The following ABTB2 variants were observed in gnomAD, a reference collection of about 807,000 sequenced individuals.
The protein encoded by ABTB2 is ankyrin repeat and BTB/POZ domain-containing protein 2.
In ABTB2, 56 loss-of-function variants were observed where a neutral mutation model predicts 104.1. That is an observed-to-expected ratio of 0.54 (90% CI 0.43 to 0.67). ABTB2 has a LOEUF of 0.67. Among genes scored for constraint, ABTB2 ranks in the 30% least tolerant of loss-of-function variants. The pLI, the probability that ABTB2 is intolerant of heterozygous loss-of-function variation, is 0.00. For synonymous variants in ABTB2, 606 were observed against 608.2 expected (o/e 1.00, Z 0.05); for missense variants, 1,279 against 1,407.7 (o/e 0.91, Z 1.46).
intron 1 of ABTB2, among the ~76,000 whole-genome samples, chr11:34,340,884 T>C (rs1478646563): frequency 1.3e-5 from 2 of 152,146 alleles, no homozygotes; most frequent in Non-Finnish European, 2.9e-5. Context: ...CATCCTCTGA[T>C]TTATGACAAG....
intron 1 of ABTB2, among the ~76,000 whole-genome samples, chr11:34,255,173 G>C (rs1490178026): frequency 6.6e-6 from 1 of 152,158 alleles, no homozygotes; most frequent in African/African-American, 2.4e-5. Context: ...AGCTGAATCG[G>C]ATTAAGCACT....
At chr11:34,335,854 A>G (rs146631027) in intron 1 of ABTB2, 2 of 1,181,984 alleles carry the variant, frequency 1.7e-6, no homozygotes, top group Non-Finnish European at 2.5e-6. Context: ...TTGAGAGCAT[A>G]TATCTGGAGG....
chr11:34,233,424 C>G (rs1043978690), intron 1 of ABTB2, among the ~76,000 whole-genome samples: 4 of 151,222 alleles, frequency 2.6e-5, no homozygotes, highest in African/African-American at 9.7e-5. Flanking sequence ...CCTCCCAGGT[C>G]ACTGCAGCGT....
intron 1 of ABTB2, among the ~76,000 whole-genome samples, chr11:34,341,790 A>C (rs1293237221): frequency 6.6e-6 from 1 of 152,112 alleles, no homozygotes; most frequent in Non-Finnish European, 1.5e-5. Context: ...TGAACGGAAA[A>C]ATAAAACAAA....
intron 3 of ABTB2, among the ~76,000 whole-genome samples, chr11:34,185,794 A>C (rs527467429): frequency 6.6e-6 from 1 of 152,300 alleles, no homozygotes; most frequent in South Asian, 2.1e-4. Flanking sequence ...AATGTATTAT[A>C]TGTTTCAAGA....
At chr11:34,211,932 CA>C (rs1853486073) in intron 1 of ABTB2, among the ~76,000 whole-genome samples, 2 of 143,810 alleles carry the variant, frequency 1.4e-5, no homozygotes, top group African/African-American at 5.1e-5. Context: ...AAAGGATAAT[CA>C]AAAAGTCATC....
chr11:34,277,627 A>C lies in ABTB2; in HGVS notation c.884-72937T>G, dbSNP rs1321662241. Among the ~76,000 whole-genome samples, 437 of 70,400 alleles carry C rather than the reference A, an allele frequency of 6.2e-3. 2 individuals carry two copies. Among genetic ancestry groups the C allele is most frequent in the Non-Finnish European group, 9.1e-3 (332 of 36,354 alleles). The allele number at this position is 70,400 out of a possible 152,430, so 46.2% of individuals were successfully genotyped here. A position where few individuals can be genotyped will look rare whatever the true frequency, so the allele number is the denominator to read the frequency against. ...GGTGAACCCCATCTCTACAAAAATC[A>C]AAAATTAGCCAGGTGTGGTGGTCAC... On this transcript the variant is annotated intron_variant, in intron 1 of 16. Transcript: ENST00000435224.
At chr11:34,164,947 A>G (rs2133009864) in intron 8 of ABTB2, 126 bp from the exon 9 acceptor site, 1 of 1,180,806 alleles carries the variant, frequency 8.5e-7, no homozygotes, top group Non-Finnish European at 1.2e-6. Flanking sequence ...TAAACCCCAC[A>G]CTCATCTGCA....
In ABTB2 at chr11:34,173,179, A is replaced by G; in HGVS notation, c.1373T>C (p.Leu458Pro). 1 of 1,613,820 alleles carries G rather than the reference A, an allele frequency of 6.2e-7. No individual in the cohort carries two copies. Among genetic ancestry groups the G allele is most frequent in the Non-Finnish European group, 8.5e-7 (1 of 1,179,920 alleles). The change falls in exon 4 of 17, where the codon CTG (leucine) becomes CCG (proline). Residue 458 changes from leucine (L) to proline (P), a missense_variant. Physicochemically the swap from Leu to Pro is moderately conservative, Grantham distance 98. Transcript: ENST00000435224. ...CTTGAGCTGCCGAGGTTCACAGTCC[A>G]GACCAGGCAGCAGCAGCCGGGCTGC... is the stretch of plus-strand genomic sequence containing the variant. ...RQAARLLLPGLDCEPRQLKPE... is the reference protein window; with the variant it reads ...RQAARLLLPGPDCEPRQLKPE...
chr11:34,173,810 G>T (rs1404730942), intron 3 of ABTB2, among the ~76,000 whole-genome samples: 1 of 152,204 alleles, frequency 6.6e-6, no homozygotes, highest in Non-Finnish European at 1.5e-5. Flanking sequence ...GCCACCAGCA[G>T]GGTCAGGTCA....
intron 1 of ABTB2, among the ~76,000 whole-genome samples, chr11:34,302,125 A>T (rs1018529693): frequency 2.0e-5 from 3 of 152,228 alleles, no homozygotes; most frequent in East Asian, 3.8e-4. Context: ...GTATTTCTAC[A>T]CCTCACGTAT....
At chr11:34,250,323 C>A (rs1854039913) in intron 1 of ABTB2, among the ~76,000 whole-genome samples, 1 of 152,194 alleles carries the variant, frequency 6.6e-6, no homozygotes, top group South Asian at 2.1e-4. Context: ...CTAGTACAAC[C>A]AGACTGCAAT....
intron 1 of ABTB2, among the ~76,000 whole-genome samples, chr11:34,348,824 G>A (rs1022995615): frequency 1.3e-5 from 2 of 152,130 alleles, no homozygotes; most frequent in Non-Finnish European, 2.9e-5. Flanking sequence ...TCCCCTCTTT[G>A]TTTGAAGGTG....
rs959772924 is a variant in ABTB2, at chr11:34,167,841, G to C, written c.1653+62C>G. ...AACATCACGCCCAGCGTGTTTGTTG[G>C]AGCCCTCGGAGTGATCCCTGCTGGC... On this transcript the variant is annotated intron_variant, in intron 6 of 16. Coordinates refer to ENST00000435224, the MANE Select transcript of ABTB2 (RefSeq NM_145804.3). 7.8e-6 allele frequency: 12 copies of C among 1,542,964 alleles called. No homozygotes were observed. The African/African-American group carries it at 1.5e-4, about 19-fold the overall frequency.
intron 1 of ABTB2, among the ~76,000 whole-genome samples, chr11:34,297,770 A>C (rs1854639469): frequency 1.5e-5 from 1 of 66,748 alleles, no homozygotes; most frequent in Non-Finnish European, 2.4e-5. Context: ...CCATCTCAAA[A>C]AAAAAAAAAA....
At chr11:34,278,518 A>T (rs142074384) in intron 1 of ABTB2, among the ~76,000 whole-genome samples, 20 of 152,324 alleles carry the variant, frequency 1.3e-4, no homozygotes, top group Non-Finnish European at 2.5e-4. Flanking sequence ...GTTGACCCTA[A>T]GTCCTCTGGT....
At chr11:34,226,706 T>G (rs1265691135) in intron 1 of ABTB2, among the ~76,000 whole-genome samples, 1 of 152,216 alleles carries the variant, frequency 6.6e-6, no homozygotes, top group Non-Finnish European at 1.5e-5. Flanking sequence ...CTGTTTTTAG[T>G]ATATCAGAGT....
chr11:34,166,002 G>A (rs916304880), intron 7 of ABTB2, among the ~76,000 whole-genome samples: 1 of 152,232 alleles, frequency 6.6e-6, no homozygotes, highest in Non-Finnish European at 1.5e-5. Flanking sequence ...GACGGGGCAG[G>A]GTTAACAGAT....
Position 34,166,514 on chromosome 11 carries a change from T to TCG in ABTB2, c.1755+744_1755+745insCG, listed in dbSNP as rs556176979. 4.2e-3 allele frequency among the ~76,000 whole-genome samples: 636 copies of TCG among 152,336 alleles called. 6 individuals are homozygous for TCG. Among genetic ancestry groups the TCG allele is most frequent in the African/African-American group, 0.015 (606 of 41,576 alleles). Reference sequence around the variant, plus strand: ...TGGGTAACAGCCACTCGCTGAGTCCTTGTGATAGGCTAGGGCTGTGAATCA... The same window carrying TCG: ...TGGGTAACAGCCACTCGCTGAGTCCTCGTGTGATAGGCTAGGGCTGTGAATCA... On this transcript the variant is annotated intron_variant, in intron 7 of 16. Coordinates refer to ENST00000435224, the MANE Select transcript of ABTB2 (RefSeq NM_145804.3).
Sources: allele counts gnomAD v4.1 joint callset (sites outside exome capture counted in the v4.1 genomes callset), GRCh38; gene constraint gnomAD v4.1.1; transcripts MANE v1.5; gene names NCBI Gene and HGNC (gene_info 2026-07-23, HGNC 2026-07-21).